The following ROBO2 variants were observed in gnomAD, a reference collection of about 807,000 sequenced individuals.
ROBO2 encodes roundabout homolog 2.
Under a neutral mutation model 160.8 loss-of-function variants are expected in ROBO2, and 53 were observed. The ratio of observed to expected loss-of-function variants is 0.33; its 90% CI spans 0.26 to 0.41. The LOEUF is 0.41. Among genes scored for constraint, ROBO2 ranks in the 10% least tolerant of loss-of-function variants. The probability of loss-of-function intolerance (pLI) is 1.00; values close to 1 mark genes in which losing one functional copy is unlikely to be tolerated. For missense variants in ROBO2, 1,577 were observed against 1,722.4 expected (o/e 0.92, Z 1.49); for synonymous variants, 664 against 611.7 (o/e 1.09, Z -1.26).
At chr3:76,219,054 C>A (rs1703769848) in intron 2 of ROBO2, among the ~76,000 whole-genome samples, 1 of 152,160 alleles carries the variant, frequency 6.6e-6, no homozygotes, top group African/African-American at 2.4e-5. Flanking sequence ...GAAAAACAAG[C>A]AATGGGGAAA....
At chr3:76,054,065 A>G (rs1050220984) in intron 2 of ROBO2, among the ~76,000 whole-genome samples, 15 of 152,238 alleles carry the variant, frequency 9.9e-5, no homozygotes, top group Admixed American at 2.6e-4. Flanking sequence ...TGGAAATTTA[A>G]GTTTTATGTC....
chr3:77,350,739 T>A (rs2068238412), intron 2 of ROBO2, among the ~76,000 whole-genome samples: 1 of 152,164 alleles, frequency 6.6e-6, no homozygotes, highest in Non-Finnish European at 1.5e-5. Flanking sequence ...TAGATTTTTA[T>A]CAAGAGGCAA....
intron 2 of ROBO2, among the ~76,000 whole-genome samples, chr3:76,324,386 T>G (rs1285405086): frequency 6.6e-6 from 1 of 152,202 alleles, no homozygotes; most frequent in Non-Finnish European, 1.5e-5. Context: ...ATAATAAAAT[T>G]CATTGTTAAA....
At chr3:76,731,774 T>C (rs2093641211) in intron 2 of ROBO2, among the ~76,000 whole-genome samples, 1 of 152,170 alleles carries the variant, frequency 6.6e-6, no homozygotes, top group Non-Finnish European at 1.5e-5. Context: ...TTTGTGAACA[T>C]AATTGTAATG....
intron 2 of ROBO2, among the ~76,000 whole-genome samples, chr3:77,230,827 A>G (rs1157545515): frequency 2.6e-5 from 4 of 152,188 alleles, no homozygotes; most frequent in Non-Finnish European, 5.9e-5. Context: ...CTAAAATTAG[A>G]CTTTTTTAAT....
intron 2 of ROBO2, among the ~76,000 whole-genome samples, chr3:77,192,011 T>G (rs184735456): frequency 6.6e-6 from 1 of 152,118 alleles, no homozygotes; most frequent in Non-Finnish European, 1.5e-5. Context: ...GGGAAGCAAT[T>G]GTGGGAATGA....
chr3:76,780,539 T>C (rs2062573770), intron 2 of ROBO2, among the ~76,000 whole-genome samples: 1 of 150,864 alleles, frequency 6.6e-6, no homozygotes, highest in Non-Finnish European at 1.5e-5. Flanking sequence ...TTTTCCCTGT[T>C]TTCCTCTAAG....
At chr3:76,491,303 C>T (rs2079811960) in intron 2 of ROBO2, among the ~76,000 whole-genome samples, 1 of 152,098 alleles carries the variant, frequency 6.6e-6, no homozygotes, top group South Asian at 2.1e-4. Context: ...AGCCGTAGAG[C>T]ATATGATCTC....
chr3:77,546,249 C>G, intron 6 of ROBO2, 89 bp from the exon 8 acceptor site: 1 of 1,384,148 alleles, frequency 7.2e-7, no homozygotes, highest in Non-Finnish European at 1.0e-6. Context: ...TGGCACTGAA[C>G]AGTCAACATA....
intron 2 of ROBO2, among the ~76,000 whole-genome samples, chr3:76,940,723 G>T (rs974916125): frequency 2.6e-5 from 4 of 152,044 alleles, no homozygotes; most frequent in Non-Finnish European, 5.9e-5. Context: ...GCTTCCTTTT[G>T]TACACTCTCC....
intron 2 of ROBO2, among the ~76,000 whole-genome samples, chr3:76,004,122 G>T (rs2065958937): frequency 6.6e-6 from 1 of 152,138 alleles, no homozygotes; most frequent in Non-Finnish European, 1.5e-5. Context: ...AACTTTATTT[G>T]CATGGCCTTA....
chr3:76,222,267 G>C (rs1467941185), intron 2 of ROBO2, among the ~76,000 whole-genome samples: 1 of 152,106 alleles, frequency 6.6e-6, no homozygotes, highest in Admixed American at 6.6e-5. Flanking sequence ...CTGACTGAGA[G>C]GCATAAGGTA....
intron 2 of ROBO2, among the ~76,000 whole-genome samples, chr3:76,143,130 G>A (rs1190667231): frequency 1.3e-5 from 2 of 151,924 alleles, no homozygotes; most frequent in East Asian, 3.9e-4. Flanking sequence ...TGGCCCAAGT[G>A]ATTTTCCCAC....
At chr3:76,794,117 A>G (rs2063539837) in intron 2 of ROBO2, among the ~76,000 whole-genome samples, 1 of 151,906 alleles carries the variant, frequency 6.6e-6, no homozygotes, top group Admixed American at 6.6e-5. Context: ...TCAAATAAAA[A>G]CGTCTTATTA....
In ROBO2 at chr3:76,135,850, A is replaced by G. The variant is rs140643140; in HGVS notation, c.109+198248A>G. 5.4e-3 allele frequency among the ~76,000 whole-genome samples: 815 copies of G among 152,222 alleles called. 10 individuals are homozygous for G. Among genetic ancestry groups the G allele is most frequent in the African/African-American group, 0.019 (788 of 41,566 alleles). ...CAAAAAATATATTTACCATATGACAAATTCCAGAGATGAATTTTGCGTGTG... is the reference window on the plus strand; with the variant it reads ...CAAAAAATATATTTACCATATGACAGATTCCAGAGATGAATTTTGCGTGTG... On this transcript the variant is annotated intron_variant, in intron 2 of 26. Coordinates refer to the ROBO2 transcript ENST00000487694.
intron 2 of ROBO2, among the ~76,000 whole-genome samples, chr3:76,730,284 T>TTCTCCTCACCTCCTACTCCCTACCCACC (rs2093617649): frequency 1.4e-5 from 1 of 73,974 alleles, no homozygotes; most frequent in Non-Finnish European, 2.4e-5. Flanking sequence ...CCCTACCCGC[T>TTCTCCTCACCTCCTACTCCCTACCCACC]TGTCCTCACC....
intron 2 of ROBO2, among the ~76,000 whole-genome samples, chr3:76,555,426 A>AAGAG (rs1560141776): frequency 6.2e-5 from 6 of 96,968 alleles, no homozygotes; most frequent in African/African-American, 2.0e-4. Context: ...AGAAAGAAGG[A>AAGAG]GAAGGGGAAG....
chr3:77,364,281 A>C (rs557550401), intron 2 of ROBO2, among the ~76,000 whole-genome samples: 1 of 152,000 alleles, frequency 6.6e-6, no homozygotes, highest in Non-Finnish European at 1.5e-5. Context: ...TTTTAATATT[A>C]TCTAGTGTGG....
At chr3:76,128,833 G>T (rs1238265568) in intron 2 of ROBO2, among the ~76,000 whole-genome samples, 1 of 152,058 alleles carries the variant, frequency 6.6e-6, no homozygotes, top group Non-Finnish European at 1.5e-5. Context: ...TAGATGTATG[G>T]TGCTCCTTGG....
Sources: allele counts gnomAD v4.1 joint callset (sites outside exome capture counted in the v4.1 genomes callset), GRCh38; gene constraint gnomAD v4.1.1; transcripts MANE v1.5; gene names NCBI Gene and HGNC (gene_info 2026-07-23, HGNC 2026-07-21).